LOXL2: variants seen among roughly 807,000 people sequenced by gnomAD.
LOXL2 encodes the protein lysyl oxidase like 2, also known as lysyl oxidase homolog 2.
In LOXL2, 70 loss-of-function variants were observed where a neutral mutation model predicts 93.0. That is an observed-to-expected ratio of 0.75 (90% CI 0.62 to 0.92). The LOEUF is 0.92. LOXL2 is among the 40% of genes least tolerant of loss of function. LOXL2 has a pLI of 0.00. For missense variants in LOXL2, 973 were observed against 1,054.9 expected, an observed-to-expected ratio of 0.92 and a Z score of 1.08; for synonymous variants, 438 against 413.2, an observed-to-expected ratio of 1.06 and a Z score of -0.73.
chr8:23,351,735 T>A (rs10099318), intron 3 of LOXL2, among the ~76,000 whole-genome samples: 28,907 of 152,148 alleles, frequency 0.19, 3,669 homozygotes, highest in African/African-American at 0.36. Context: ...GGAAAATAGG[T>A]CACCTTAGAA....
chr8:23,373,954 ATTTCT>A (rs995863038), intron 1 of LOXL2, among the ~76,000 whole-genome samples: 1 of 151,852 alleles, frequency 6.6e-6, no homozygotes, highest in Non-Finnish European at 1.5e-5. Context: ...GTCTTGCAAC[ATTTCT>A]TTTTTTATAC....
intron 3 of LOXL2, among the ~76,000 whole-genome samples, chr8:23,349,894 A>G (rs1415239128): frequency 6.6e-6 from 1 of 152,094 alleles, no homozygotes; most frequent in Non-Finnish European, 1.5e-5. Context: ...TAGCTTAGCT[A>G]GACATGCTGA....
chr8:23,320,311 T>C (rs1005619787), intron 7 of LOXL2, among the ~76,000 whole-genome samples: 1 of 152,218 alleles, frequency 6.6e-6, no homozygotes, highest in Non-Finnish European at 1.5e-5. Flanking sequence ...AAGCTGACCC[T>C]GCTCCCCATG....
At chr8:23,398,142 C>T (rs918854447) in intron 1 of LOXL2, among the ~76,000 whole-genome samples, 1 of 152,036 alleles carries the variant, frequency 6.6e-6, no homozygotes, top group Non-Finnish European at 1.5e-5. Context: ...AGCCTGGGGG[C>T]AAAAGAAGTT....
Position 23,368,147 on chromosome 8 carries a change from C to T in LOXL2, c.205G>A (p.Glu69Lys), listed in dbSNP as rs199832043. Residue 69 changes from glutamate (E) to lysine (K), a missense_variant, in exon 2 of 14, where the codon GAG (glutamate) becomes AAG (lysine). Glu to Lys is a moderately conservative substitution (Grantham distance 56). Transcript: ENST00000389131. The part of the protein sequence containing the change: ...RLAGQKRKHS[E>K]GRVEVYYDGQ... ...TCATAGTACACCTCCACCCGGCCCTCGCTGTGCTTCCTCTTCTGCCCAGCC... is the reference window on the plus strand; with the variant it reads ...TCATAGTACACCTCCACCCGGCCCTTGCTGTGCTTCCTCTTCTGCCCAGCC... 122 of 1,614,126 alleles carry T rather than the reference C, an allele frequency of 7.6e-5. 1 individual carries two copies. The highest frequency in any genetic ancestry group is 9.7e-5 in the Non-Finnish European group (114 of 1,180,014).
At chr8:23,311,270 G>T (rs981304504) in intron 9 of LOXL2, among the ~76,000 whole-genome samples, 3 of 152,178 alleles carry the variant, frequency 2.0e-5, no homozygotes, top group Non-Finnish European at 4.4e-5. Context: ...AGATCCACTC[G>T]CAAGAATTGG....
chr8:23,316,618 A>T, intron 9 of LOXL2: 1 of 287,394 alleles, frequency 3.5e-6, no homozygotes, highest in Non-Finnish European at 6.4e-6. Flanking sequence ...CCCATGGAAG[A>T]TGTCATCGAC....
chr8:23,323,517 G>T (rs1363735672), intron 6 of LOXL2, among the ~76,000 whole-genome samples: 1 of 152,204 alleles, frequency 6.6e-6, no homozygotes, highest in Non-Finnish European at 1.5e-5. Context: ...CCACTTGTCT[G>T]AACTTTTGCT....
intron 6 of LOXL2, among the ~76,000 whole-genome samples, chr8:23,322,966 G>A (rs1166879480): frequency 6.6e-6 from 1 of 152,202 alleles, no homozygotes; most frequent in African/African-American, 2.4e-5. Context: ...AAAGATGAAG[G>A]TCACAACAGG....
At chr8:23,397,778 CA>C (rs57059999) in intron 1 of LOXL2, among the ~76,000 whole-genome samples, 21,300 of 90,650 alleles carry the variant, frequency 0.23, 1,807 homozygotes, top group African/African-American at 0.31. Flanking sequence ...GACTCTGTCT[CA>C]AAAAAAAAAA....
intron 6 of LOXL2, among the ~76,000 whole-genome samples, chr8:23,324,528 T>C (rs1333035808): frequency 2.6e-5 from 4 of 152,112 alleles, no homozygotes; most frequent in Admixed American, 6.5e-5. Context: ...GGACTTCTGG[T>C]TCCTTCTGCT....
chr8:23,322,352 T>C, intron 6 of LOXL2, 71 bp from the exon 7 acceptor site: 2 of 1,428,968 alleles, frequency 1.4e-6, no homozygotes, highest in South Asian at 1.3e-5. Context: ...AAGAAAGCCC[T>C]GGACAATAAG....
intron 9 of LOXL2, 126 bp from the exon 10 acceptor site, chr8:23,310,037 T>G: frequency 9.7e-7 from 1 of 1,034,658 alleles, no homozygotes; most frequent in Non-Finnish European, 1.3e-6. Flanking sequence ...ACTCAAGGGC[T>G]CCTCAAGGTT....
At chr8:23,331,544 C>T (rs1358602039) in intron 5 of LOXL2, 1 of 152,256 alleles carries the variant, frequency 6.6e-6, no homozygotes, top group African/African-American at 2.4e-5. Flanking sequence ...TCCTATCCCT[C>T]CCTCTCCTCT....
chr8:23,350,851 G>C (rs1439938999), intron 3 of LOXL2, among the ~76,000 whole-genome samples: 1 of 152,162 alleles, frequency 6.6e-6, no homozygotes, highest in Non-Finnish European at 1.5e-5. Flanking sequence ...AGGTAACAGA[G>C]GCTGCTTTTT....
chr8:23,398,017 A>C (rs1022238706), intron 1 of LOXL2, among the ~76,000 whole-genome samples: 7 of 151,768 alleles, frequency 4.6e-5, no homozygotes, highest in African/African-American at 1.7e-4. Context: ...TATATTTGTA[A>C]TTGTTTTAGA....
At chr8:23,349,935 C>CT (rs1323534745) in intron 3 of LOXL2, among the ~76,000 whole-genome samples, 1 of 152,054 alleles carries the variant, frequency 6.6e-6, no homozygotes, top group Non-Finnish European at 1.5e-5. Flanking sequence ...AATAAAGACT[C>CT]TTTTTATTCT....
At chr8:23,303,187 G>T in intron 11 of LOXL2, 95 bp downstream of exon 11, 1 of 790,536 alleles carries the variant, frequency 1.3e-6, no homozygotes, top group Non-Finnish European at 2.2e-6. Flanking sequence ...GTGACACAGG[G>T]TCAGTGCCAG....
intron 7 of LOXL2, among the ~76,000 whole-genome samples, chr8:23,320,519 C>A (rs948895154): frequency 6.6e-6 from 1 of 152,238 alleles, no homozygotes; most frequent in Admixed American, 6.5e-5. Context: ...TGTTTGACAA[C>A]CCCACTTGGT....
Sources: allele counts gnomAD v4.1 joint callset (sites outside exome capture counted in the v4.1 genomes callset), GRCh38; gene constraint gnomAD v4.1.1; transcripts MANE v1.5; gene names NCBI Gene and HGNC (gene_info 2026-07-23, HGNC 2026-07-21).